The following HHIPL2 variants were observed in gnomAD, a reference collection of about 807,000 sequenced individuals.
HHIPL2 encodes the protein HHIP-like protein 2.
A neutral mutation model predicts 61.0 loss-of-function variants in HHIPL2; 61 were observed. That is an observed-to-expected ratio of 1.00 (90% CI 0.81 to 1.24). The LOEUF (loss-of-function observed/expected upper bound fraction) is 1.24. Among genes scored for constraint, HHIPL2 ranks in the 50% most tolerant of loss-of-function variants. The pLI is 0.00. For missense variants in HHIPL2, 885 were observed against 910.2 expected (o/e 0.97, Z 0.36); for synonymous variants, 343 against 357.4 (o/e 0.96, Z 0.45).
At chr1:222,532,661 A>G (rs1288537272) in intron 5 of HHIPL2, among the ~76,000 whole-genome samples, 3 of 151,594 alleles carry the variant, frequency 2.0e-5, no homozygotes, top group South Asian at 2.1e-4. Context: ...CTGCACCACT[A>G]CAAAAGACTG....
Position 222,540,159 on chromosome 1 carries a change from C to T in HHIPL2, c.1301G>A (p.Arg434His), listed in dbSNP as rs3748663. 159 of 1,614,110 alleles carry T rather than the reference C, an allele frequency of 9.9e-5. No homozygotes were observed. In the African/African-American group the frequency reaches 1.0e-3, roughly 10 times the overall value. ...CAVDRGDPIT[R>H]QGRGRIFCGD... ...ACAGAATATCCGGCCTCGGCCCTGG[C>T]GCGTGATGGGGTCCCCTCGGTCCAC... is the stretch of plus-strand genomic sequence containing the variant. Residue 434 changes from arginine to histidine, a missense_variant, in exon 4 of 9, where the codon CGC (arginine) becomes CAC (histidine). By Grantham distance (29) the Arg-to-His change is conservative. Coordinates refer to ENST00000343410, the MANE Select transcript of HHIPL2 (RefSeq NM_024746.4).
intron 5 of HHIPL2, among the ~76,000 whole-genome samples, chr1:222,536,573 T>C (rs1042206886): frequency 2.6e-5 from 4 of 152,180 alleles, no homozygotes; most frequent in Non-Finnish European, 5.9e-5. Context: ...GGAAAAATAA[T>C]ACCTATTTTA....
In HHIPL2 at chr1:222,540,487, C is replaced by CT. The variant is rs1659408079; in HGVS notation, c.1119-147dup. On this transcript the variant is annotated intron_variant, in intron 3 of 8. Transcript: ENST00000343410. ...GAAGATTTGACTTCTTATTTTCCTT[C>CT]TTTTTTTGTACCCGCAAGTATGAGC... The CT allele has an allele frequency of 2.8e-5, 18 of 642,082 alleles. 1 individual carries two copies. Among genetic ancestry groups the CT allele is most frequent in the Middle Eastern group, 4.2e-4 (1 of 2,384 alleles). The allele number at this position is 642,082 out of a possible 1,614,324, so 39.8% of individuals were successfully genotyped here.
At chr1:222,546,155 G>A (rs560161266) in intron 1 of HHIPL2, among the ~76,000 whole-genome samples, 56 of 152,340 alleles carry the variant, frequency 3.7e-4, no homozygotes, top group African/African-American at 1.1e-3. Flanking sequence ...AGCAGTGAGC[G>A]AAATGCACAA....
intron 6 of HHIPL2, among the ~76,000 whole-genome samples, chr1:222,531,627 A>G (rs567443143): frequency 3.3e-4 from 50 of 152,324 alleles, no homozygotes; most frequent in African/African-American, 1.1e-3. Context: ...GGGCGCCTGT[A>G]GTCCCAGCTA....
chr1:222,542,634 G>A (rs191824499), intron 2 of HHIPL2, among the ~76,000 whole-genome samples: 3 of 148,368 alleles, frequency 2.0e-5, no homozygotes, highest in South Asian at 2.1e-4. Flanking sequence ...AGGTTCATGC[G>A]ATTCTCCTGC....
chr1:222,543,750 G>T lies in HHIPL2; in HGVS notation c.761C>A (p.Pro254His), dbSNP rs757212251. ...CACGATGTTCTTGAGGTCCAGGAAG[G>T]GTTGCTCCAGGCGACTCCCATCAGG... ...YLPDGSRLEQ[P>H]FLDLKNIVLT... is the part of the protein sequence containing the mutation. Residue 254 changes from proline to histidine, a missense_variant, in exon 2 of 9, where the codon CCC becomes CAC. By Grantham distance (77) the Pro-to-His change is moderately conservative. Transcript: ENST00000343410. The T allele has an allele frequency of 2.0e-5, 32 of 1,614,066 alleles. No homozygotes were observed. The highest frequency in any genetic ancestry group is 3.3e-5 in the Admixed American group (2 of 60,008).
intron 6 of HHIPL2, among the ~76,000 whole-genome samples, chr1:222,527,611 T>C (rs1353394732): frequency 7.2e-5 from 11 of 152,028 alleles, no homozygotes; most frequent in Admixed American, 3.9e-4. Context: ...CTCTACCCAC[T>C]CTCTCCTGTA....
chr1:222,527,584 T>C (rs536783435), intron 6 of HHIPL2, among the ~76,000 whole-genome samples: 23 of 152,246 alleles, frequency 1.5e-4, no homozygotes, highest in African/African-American at 4.6e-4. Context: ...GTCTTTTCCA[T>C]GCCCCACAAA....
chr1:222,531,775 G>T (rs1465689668), intron 6 of HHIPL2, among the ~76,000 whole-genome samples, 191 bp downstream of exon 6: 2 of 152,066 alleles, frequency 1.3e-5, no homozygotes, highest in East Asian at 1.9e-4. Context: ...TATCGTGGGG[G>T]TGTTATGATT....
Position 222,542,054 on chromosome 1 carries a change from T to G in HHIPL2, c.1076A>C (p.Gln359Pro). 1 of 1,614,052 alleles carries G rather than the reference T, an allele frequency of 6.2e-7. No homozygotes were observed. The highest frequency in any genetic ancestry group is 8.5e-7 in the Non-Finnish European group (1 of 1,180,004). The change falls in exon 3 of 9, where the codon CAG becomes CCG. Residue 359 changes from glutamine (Q) to proline (P), a missense_variant. Transcript: ENST00000343410. ...YMYIFTGDGG[Q>P]AGDPFGLFGN... ...AAACAGGCCAAAGGGATCTCCAGCC[T>G]GTCCCCCGTCCCCAGTGAATATGTA... is the stretch of plus-strand genomic sequence containing the variant.
chr1:222,523,839 G>T, intron 7 of HHIPL2, 145 bp from the exon 8 acceptor site: 1 of 713,078 alleles, frequency 1.4e-6, no homozygotes, highest in Non-Finnish European at 2.4e-6. Context: ...CAGGAAATAT[G>T]CTATGAGCTC....
intron 6 of HHIPL2, among the ~76,000 whole-genome samples, chr1:222,527,368 A>G (rs1259753173): frequency 6.6e-6 from 1 of 152,058 alleles, no homozygotes; most frequent in Non-Finnish European, 1.5e-5. Flanking sequence ...ACCTCCGTGA[A>G]TCTCCATTTC....
intron 7 of HHIPL2, chr1:222,525,108 A>G (rs1238737239): frequency 2.6e-5 from 4 of 152,144 alleles, no homozygotes; most frequent in African/African-American, 9.7e-5. Context: ...AAAGGTGAAT[A>G]AGTAAGGATG....
At chr1:222,527,094 G>T in intron 6 of HHIPL2, 44 bp from the exon 7 acceptor site, 1 of 1,432,320 alleles carries the variant, frequency 7.0e-7, no homozygotes, top group Non-Finnish European at 9.8e-7. Context: ...ACATCAGGCA[G>T]CACTGAGACA....
chr1:222,522,700 G>C lies in HHIPL2; in HGVS notation c.2076C>G (p.Pro692=), dbSNP rs779945046. Residue 692 remains proline (P), a synonymous_variant, in exon 9 of 9, where the codon CCC becomes CCG. Transcript: ENST00000343410. ...PGTKKKARVG[P]HVRQGKRRKS... ...TCCTCCTCTTGCCCTGGCGGACGTG[G>C]GGCCCCACTCTGGCTTTCTTCTTTG... is the stretch of plus-strand genomic sequence containing the variant. 6.2e-7 allele frequency: 1 copy of C among 1,614,134 alleles called. No individual in the cohort carries two copies. The highest frequency in any genetic ancestry group is 2.2e-5 in the East Asian group (1 of 44,872).
intron 1 of HHIPL2, 65 bp from the exon 2 acceptor site, chr1:222,544,254 T>C: frequency 1.3e-6 from 2 of 1,515,966 alleles, no homozygotes; most frequent in Admixed American, 2.1e-5. Flanking sequence ...GTCTCAAGTT[T>C]TGAGCAAGCA....
chr1:222,531,666 T>C (rs1659194494), intron 6 of HHIPL2, among the ~76,000 whole-genome samples: 1 of 152,102 alleles, frequency 6.6e-6, no homozygotes, highest in Non-Finnish European at 1.5e-5. Context: ...GAGAATTGCT[T>C]GGACTCTGGA....
chr1:222,526,163 G>T (rs969253173), intron 7 of HHIPL2, among the ~76,000 whole-genome samples: 1 of 152,086 alleles, frequency 6.6e-6, no homozygotes, highest in Non-Finnish European at 1.5e-5. Flanking sequence ...TGCTGGTGGA[G>T]GTTGGTCAGC....
Sources: gnomAD v4.1 joint callset for allele counts (sites outside exome capture counted in the v4.1 genomes callset) on GRCh38, gnomAD v4.1.1 for gene constraint, MANE v1.5 for transcripts, NCBI Gene and HGNC (gene_info 2026-07-23, HGNC 2026-07-21) for gene names.